SLC13A5: variants seen among roughly 807,000 people sequenced by gnomAD.
The protein encoded by SLC13A5 is solute carrier family 13 member 5, also known as Na(+)/citrate cotransporter.
SLC13A5 carries 25 observed loss-of-function variants against 56.5 expected under a neutral mutation model. That is an observed-to-expected ratio of 0.44 (90% CI 0.32 to 0.62). The LOEUF (loss-of-function observed/expected upper bound fraction) is 0.62, where lower values mean the gene tolerates loss of function less well. SLC13A5 is among the 20% of genes least tolerant of loss of function. The pLI is 0.04. For synonymous variants in SLC13A5, 307 were observed against 301.5 expected (o/e 1.02, Z -0.19); for missense variants, 649 against 737.8 (o/e 0.88, Z 1.39).
chr17:6,703,828 G>A, intron 4 of SLC13A5, 50 bp downstream of exon 4: 6 of 1,486,316 alleles, frequency 4.0e-6, no homozygotes, highest in Non-Finnish European at 4.5e-6. Context: ...CCAGCAGAGG[G>A]AGGGGAAGGC....
rs774526175 is a variant in SLC13A5 at position 6,687,474 on chromosome 17, C to G, written c.1575+55G>C. 1.9e-6 allele frequency: 3 copies of G among 1,601,382 alleles called. No homozygotes were observed. The East Asian group carries it at 6.8e-5, about 36-fold the overall frequency. ...CTCTGTCATTCATAAATGGGGCATCCCTTATGACAACAGCGTTATAGTCCG... is the reference window on the plus strand; with the variant it reads ...CTCTGTCATTCATAAATGGGGCATCGCTTATGACAACAGCGTTATAGTCCG... On this transcript the variant is annotated intron_variant, in intron 11 of 11. Transcript: ENST00000433363. The surrounding 1 kb of genome is among the most constrained non-coding windows in gnomAD (Gnocchi z 5.0).
At position 6,694,227 on chromosome 17, in the gene SLC13A5, G is replaced by A. The variant is rs149276700; in HGVS notation, c.1056-30C>T. On this transcript the variant is annotated intron_variant, in intron 7 of 11. Transcript: ENST00000433363. The stretch of plus-strand genomic sequence containing the variant: ...GTGGGGAAAAGCACAGCTCATCTGC[G>A]ACAGAGACAGTCACTCAACAAACCC... The A allele has an allele frequency of 4.2e-4, 557 of 1,340,610 alleles. 3 individuals are homozygous for A. The East Asian group carries it at 0.012, about 28-fold the overall frequency. The allele number at this position is 1,340,610 out of a possible 1,614,324, so 83.0% of individuals were successfully genotyped here. A position where few individuals can be genotyped will look rare whatever the true frequency, so the allele number is the denominator to read the frequency against.
At chr17:6,703,313 G>C (rs765516586) in intron 4 of SLC13A5, among the ~76,000 whole-genome samples, 175 bp from the exon 5 acceptor site, 1 of 152,350 alleles carries the variant, frequency 6.6e-6, no homozygotes, top group East Asian at 1.9e-4. Flanking sequence ...CTCTCTGTAA[G>C]CCCCAGGACC....
rs374250891 is a variant in SLC13A5 at position 6,695,712 on chromosome 17, A to C, written c.1055+14T>G. ...GGCCCTAAGCCAGCGATTTCTATTG[A>C]ATCCAAGACTTACTTTGTCTCACCC... On this transcript the variant is annotated intron_variant, in intron 7 of 11. Transcript: ENST00000433363. 4 of 1,613,442 alleles carry C rather than the reference A, an allele frequency of 2.5e-6. No individual in the cohort carries two copies. The African/African-American group carries it at 5.3e-5, about 22-fold the overall frequency.
intron 3 of SLC13A5, 158 bp from the exon 4 acceptor site, chr17:6,704,214 C>T (rs749341635): frequency 1.4e-5 from 11 of 767,926 alleles, no homozygotes; most frequent in Middle Eastern, 2.2e-4. Flanking sequence ...GTTTTAGAGC[C>T]TCCCCTCCCT....
chr17:6,686,566 C>A (rs149127793), intron 11 of SLC13A5: 35 of 498,484 alleles, frequency 7.0e-5, no homozygotes, highest in Admixed American at 5.8e-4. Context: ...TATGCCCGTG[C>A]GCATTTGGAA....
At position 6,694,189 on chromosome 17, in the gene SLC13A5, G is replaced by C; in HGVS notation, c.1064C>G (p.Ser355Cys). 6.2e-7 allele frequency: 1 copy of C among 1,608,016 alleles called. No individual in the cohort carries two copies. The highest frequency in any genetic ancestry group is 1.7e-5 in the Admixed American group (1 of 59,852). Reference protein sequence around the residue: ...AWVEGETKYVSDATVAIFVAT... With the variant: ...AWVEGETKYVCDATVAIFVAT... ...CACAAAGATGGCCACAGTGGCATCGGAGACATACCTAGGTGGGGAAAAGCA... is the reference window on the plus strand; with the variant it reads ...CACAAAGATGGCCACAGTGGCATCGCAGACATACCTAGGTGGGGAAAAGCA... The change falls in exon 8 of 12, where the codon TCC becomes TGC. Residue 355 changes from serine to cysteine, a missense_variant. Coordinates refer to ENST00000433363, the MANE Select transcript of SLC13A5 (RefSeq NM_177550.5).
At position 6,713,364 on chromosome 17, in the gene SLC13A5, A is replaced by G; in HGVS notation, c.-31T>C. On this transcript the variant is annotated 5_prime_UTR_variant, in exon 1 of 12. Coordinates refer to ENST00000433363, the MANE Select transcript of SLC13A5 (RefSeq NM_177550.5). This position sits in a 1 kb window ranked among gnomAD's most constrained non-coding sequence, Gnocchi z 7.3. ...GGGAGGGAGACTGGCGGGCGAGACG[A>G]GTGAGGGGCAGCTAGAGGCGCCGCG... 2 of 1,598,854 alleles carry G rather than the reference A, an allele frequency of 1.3e-6. No homozygotes were observed. Among genetic ancestry groups the G allele is most frequent in the Non-Finnish European group, 1.7e-6 (2 of 1,168,050 alleles).
intron 5 of SLC13A5, among the ~76,000 whole-genome samples, chr17:6,702,733 C>T (rs780011031): frequency 2.0e-5 from 3 of 152,244 alleles, no homozygotes; most frequent in South Asian, 2.1e-4. Context: ...CAGACTGGGA[C>T]GTTAGCTCCC....
intron 10 of SLC13A5, among the ~76,000 whole-genome samples, chr17:6,690,360 TC>T (rs1044906391): frequency 6.6e-6 from 1 of 152,004 alleles, no homozygotes; most frequent in African/African-American, 2.4e-5. Flanking sequence ...TACTCCCAAG[TC>T]CCCACTCCTC....
chr17:6,702,439 G>A (rs993015480), intron 5 of SLC13A5, among the ~76,000 whole-genome samples: 19 of 152,262 alleles, frequency 1.2e-4, no homozygotes, highest in African/African-American at 3.1e-4. Context: ...GGACTATAAC[G>A]AAGCAGTGAA....
chr17:6,713,032 C>A lies in SLC13A5; in HGVS notation c.102+200G>T, dbSNP rs1270589012. Among the ~76,000 whole-genome samples the A allele has an allele frequency of 2.0e-5, 3 of 152,182 alleles. No individual in the cohort carries two copies. The highest frequency in any genetic ancestry group is 7.2e-5 in the African/African-American group (3 of 41,454). On this transcript the variant is annotated intron_variant, in intron 1 of 11. Transcript: ENST00000433363. This position sits in a 1 kb window ranked among gnomAD's most constrained non-coding sequence, Gnocchi z 7.3. ...GGATCTGTAAACCCCAAGGGTGGTG[C>A]GCCCTGGGGTCGCCATGCCCCTCAG...
rs1973198358 is a variant in SLC13A5, at chr17:6,684,891, C to G, written c.*1316G>C. 6.6e-6 allele frequency: 1 copy of G among 152,214 alleles called. No homozygotes were observed. The highest frequency in any genetic ancestry group is 2.4e-5 in the African/African-American group (1 of 41,450). 9.4% of individuals were successfully genotyped at this position (152,214 alleles called of 1,614,324 possible). On this transcript the variant is annotated 3_prime_UTR_variant, in exon 12 of 12. Coordinates refer to ENST00000433363, the MANE Select transcript of SLC13A5 (RefSeq NM_177550.5). ...CAGGAGCTCATCTCTTTGCTACTGCCTCTCTTCCAGAGCAGCACAAGAAGG... is the reference window on the plus strand; with the variant it reads ...CAGGAGCTCATCTCTTTGCTACTGCGTCTCTTCCAGAGCAGCACAAGAAGG...
At chr17:6,708,751 C>T (rs1021105474) in intron 1 of SLC13A5, among the ~76,000 whole-genome samples, 11 of 152,220 alleles carry the variant, frequency 7.2e-5, no homozygotes, top group Middle Eastern at 3.2e-3. Context: ...AAGGTGGAAA[C>T]CAGCCCTGGA....
rs778316676 is a variant in SLC13A5 at position 6,687,604 on chromosome 17, A to C, written c.1500T>G (p.Phe500Leu). Residue 500 changes from phenylalanine (F) to leucine (L), a missense_variant, in exon 11 of 12, where the codon TTT becomes TTG. Coordinates refer to ENST00000433363, the MANE Select transcript of SLC13A5 (RefSeq NM_177550.5). This position sits in a 1 kb window ranked among gnomAD's most constrained non-coding sequence, Gnocchi z 5.0. Reference sequence around the variant, plus strand: ...GGGTGGCCACAGGCAACATGAAGGCAAAGGAGGCACTCAGGGTACAGGGCA... The same window carrying C: ...GGGTGGCCACAGGCAACATGAAGGCCAAGGAGGCACTCAGGGTACAGGGCA... ...IMLPCTLSAS[F>L]AFMLPVATPP... The C allele has an allele frequency of 6.2e-7, 1 of 1,613,934 alleles. No individual in the cohort carries two copies. The highest frequency in any genetic ancestry group is 1.1e-5 in the South Asian group (1 of 90,966).
At chr17:6,699,066 A>G (rs1973636881) in intron 6 of SLC13A5, among the ~76,000 whole-genome samples, 1 of 138,550 alleles carries the variant, frequency 7.2e-6, no homozygotes. Flanking sequence ...TAAATAAATA[A>G]ATAAATAAAT....
At chr17:6,708,654 A>G (rs1973934388) in intron 1 of SLC13A5, among the ~76,000 whole-genome samples, 2 of 152,254 alleles carry the variant, frequency 1.3e-5, no homozygotes, top group Non-Finnish European at 2.9e-5. Context: ...CTTAAGAAAC[A>G]TTGAAAACAA....
In SLC13A5 at chr17:6,703,979, A is replaced by G. The variant is rs761377416; in HGVS notation, c.446T>C (p.Val149Ala). 2 of 1,613,036 alleles carry G rather than the reference A, an allele frequency of 1.2e-6. No homozygotes were observed. The highest frequency in any genetic ancestry group is 2.2e-5 in the East Asian group (1 of 44,812). ...ISNTATTAMMVPIVEAILQQM... is the reference protein window; with the variant it reads ...ISNTATTAMMAPIVEAILQQM... ...CTGCAATATGGCCTCCACGATGGGC[A>G]CCATCATGGCCGTGGTTGCCGTGTT... Residue 149 changes from valine to alanine, a missense_variant, in exon 4 of 12, where the codon GTG becomes GCG. Coordinates refer to ENST00000433363, the MANE Select transcript of SLC13A5 (RefSeq NM_177550.5).
intron 6 of SLC13A5, among the ~76,000 whole-genome samples, chr17:6,698,236 C>T (rs979141586): frequency 6.6e-6 from 1 of 152,226 alleles, no homozygotes; most frequent in African/African-American, 2.4e-5. Context: ...ACTGCAGCCA[C>T]GCACCCCACC....
Sources: gnomAD v4.1 joint callset for allele counts (sites outside exome capture counted in the v4.1 genomes callset) on GRCh38, gnomAD v4.1.1 for gene constraint, Gnocchi (gnomAD v3.1) non-coding constraint, MANE v1.5 for transcripts, NCBI Gene and HGNC (gene_info 2026-07-23, HGNC 2026-07-21) for gene names.